Variants in PDE5A observed in about 807,000 individuals in gnomAD.
PDE5A encodes the protein phosphodiesterase 5A.
PDE5A carries 67 observed loss-of-function variants against 110.2 expected under a neutral mutation model. The ratio of observed to expected loss-of-function variants is 0.61; its 90% CI spans 0.50 to 0.75. The LOEUF is 0.75. Ranked by LOEUF, PDE5A falls within the 30% of genes least tolerant of loss-of-function variation. The pLI, the probability that PDE5A is intolerant of heterozygous loss-of-function variation, is 0.00. For synonymous variants in PDE5A, 328 were observed against 351.2 expected (o/e 0.93, Z 0.74); for missense variants, 862 against 1,045.1 (o/e 0.82, Z 2.42).
intron 1 of PDE5A, among the ~76,000 whole-genome samples, chr4:119,619,386 G>A (rs764752271): frequency 6.6e-6 from 1 of 151,978 alleles, no homozygotes; most frequent in South Asian, 2.1e-4. Flanking sequence ...GAATCTCTCC[G>A]CCTTGAGTCT....
chr4:119,539,574 A>G (rs925330968), intron 10 of PDE5A, among the ~76,000 whole-genome samples: 2 of 152,054 alleles, frequency 1.3e-5, no homozygotes, highest in Non-Finnish European at 2.9e-5. Flanking sequence ...CTACAATTTA[A>G]GAGGTGAGAA....
At chr4:119,605,668 C>A (rs1411478913) in intron 2 of PDE5A, among the ~76,000 whole-genome samples, 1 of 151,984 alleles carries the variant, frequency 6.6e-6, no homozygotes, top group Non-Finnish European at 1.5e-5. Context: ...GAAATTTTCT[C>A]TATCTTTCCC....
chr4:119,563,129 A>T (rs1399713505), intron 5 of PDE5A, among the ~76,000 whole-genome samples, 159 bp from the exon 6 acceptor site: 1 of 152,190 alleles, frequency 6.6e-6, no homozygotes, highest in African/African-American at 2.4e-5. Flanking sequence ...AAAATCCTTT[A>T]TTGACTGTTA....
rs1477225073 is a variant in PDE5A at position 119,607,039 on chromosome 4, G to T, written c.411C>A (p.Thr137=). ...DSEKKEQMPL[T]PPRFDHDEGD... is the part of the protein sequence containing the mutation. ...CTTCATCATGATCAAACCTTGGAGGGGTTAGAGGCATCTGTTCCTTCTTTT... is the reference window on the plus strand; with the variant it reads ...CTTCATCATGATCAAACCTTGGAGGTGTTAGAGGCATCTGTTCCTTCTTTT... The change falls in exon 2 of 21, where the codon ACC becomes ACA. Residue 137 remains threonine, a synonymous_variant. Transcript: ENST00000354960. The T allele has an allele frequency of 8.1e-6, 13 of 1,614,058 alleles. No homozygotes were observed. The highest frequency in any genetic ancestry group is 1.1e-5 in the Non-Finnish European group (13 of 1,180,026).
chr4:119,507,234 C>T (rs943923395), intron 16 of PDE5A, among the ~76,000 whole-genome samples: 6 of 151,668 alleles, frequency 4.0e-5, no homozygotes, highest in East Asian at 1.9e-4. Flanking sequence ...GCTTGAATGA[C>T]GGTATAAAGG....
chr4:119,610,593 G>C (rs1173961588), intron 1 of PDE5A, among the ~76,000 whole-genome samples: 1 of 152,028 alleles, frequency 6.6e-6, no homozygotes, highest in African/African-American at 2.4e-5. Flanking sequence ...GAATTCCTAA[G>C]ACCCTACCCA....
intron 3 of PDE5A, among the ~76,000 whole-genome samples, chr4:119,593,362 G>A (rs970710812): frequency 2.6e-5 from 4 of 152,258 alleles, no homozygotes; most frequent in East Asian, 1.9e-4. Context: ...TAAACAAATT[G>A]TAGTATATCC....
intron 3 of PDE5A, among the ~76,000 whole-genome samples, chr4:119,587,526 G>T (rs1487328370): frequency 1.3e-5 from 2 of 152,106 alleles, no homozygotes; most frequent in East Asian, 3.9e-4. Flanking sequence ...TGGGACTACA[G>T]GCGCCCGCCA....
Position 119,628,679 on chromosome 4 carries a change from A to G in PDE5A, c.-8T>C, listed in dbSNP as rs759052203. On this transcript the variant is annotated 5_prime_UTR_variant, in exon 1 of 21. Coordinates refer to ENST00000354960, the MANE Select transcript of PDE5A (RefSeq NM_001083.4). ...GGGGCCGGCCCGCTCCATGGTTGGC[A>G]CCGCGCGCCTCGGAGGCTCTCTGGT... The G allele has an allele frequency of 5.6e-6, 9 of 1,611,354 alleles. No homozygotes were observed. The South Asian group carries it at 8.8e-5, about 16-fold the overall frequency.
chr4:119,528,576 T>A (rs1213148297), intron 11 of PDE5A, among the ~76,000 whole-genome samples: 1 of 152,140 alleles, frequency 6.6e-6, no homozygotes, highest in African/African-American at 2.4e-5. Context: ...ATGTCGGCTA[T>A]TGGGGGTGCT....
intron 3 of PDE5A, among the ~76,000 whole-genome samples, chr4:119,568,761 G>A (rs1304800953): frequency 6.6e-6 from 1 of 152,098 alleles, no homozygotes; most frequent in East Asian, 1.9e-4. Flanking sequence ...TTTTAAGAAA[G>A]ATGAGTTTCA....
At position 119,515,887 on chromosome 4, in the gene PDE5A, A is replaced by AT. The variant is rs981963291; in HGVS notation, c.2000+3157dup. Among the ~76,000 whole-genome samples, 28 of 152,130 alleles carry AT rather than the reference A, an allele frequency of 1.8e-4. 1 individual carries two copies. The highest frequency in any genetic ancestry group is 1.8e-3 in the Admixed American group (28 of 15,258). On this transcript the variant is annotated intron_variant, in intron 14 of 20. Transcript: ENST00000354960. Reference sequence around the variant, plus strand: ...TCAGACTTCCTTCCTAAAACTGTGCATTTATTACACACTGCAGTGGCTCCT... The same window carrying AT: ...TCAGACTTCCTTCCTAAAACTGTGCATTTTATTACACACTGCAGTGGCTCCT...
intron 2 of PDE5A, among the ~76,000 whole-genome samples, chr4:119,597,456 A>C (rs1410808254): frequency 6.6e-6 from 1 of 152,166 alleles, no homozygotes; most frequent in Admixed American, 6.5e-5. Context: ...GTTTAAAGCA[A>C]ATCTTGTCAG....
intron 3 of PDE5A, among the ~76,000 whole-genome samples, chr4:119,590,701 A>C (rs797004698): frequency 6.6e-6 from 1 of 152,208 alleles, no homozygotes; most frequent in South Asian, 2.1e-4. Context: ...AAACATTTTT[A>C]ATTAGTTGAA....
At chr4:119,539,505 C>G (rs1726851026) in intron 10 of PDE5A, among the ~76,000 whole-genome samples, 1 of 152,032 alleles carries the variant, frequency 6.6e-6, no homozygotes, top group African/African-American at 2.4e-5. Context: ...CTAGAATTCA[C>G]ACAGAAAAAC....
At chr4:119,501,067 A>G in intron 20 of PDE5A, 103 bp downstream of exon 20, 1 of 684,920 alleles carries the variant, frequency 1.5e-6, no homozygotes, top group Middle Eastern at 3.5e-4. Context: ...TTATTTCTTG[A>G]TTTAGAAGCA....
Position 119,525,745 on chromosome 4 carries a change from G to A in PDE5A, c.1633-50C>T. 2 of 1,550,456 alleles carry A rather than the reference G, an allele frequency of 1.3e-6. No homozygotes were observed. Among genetic ancestry groups the A allele is most frequent in the East Asian group, 2.3e-5 (1 of 44,314 alleles). On this transcript the variant is annotated intron_variant, in intron 11 of 20. Transcript: ENST00000354960. The surrounding 1 kb of genome is among the most constrained non-coding windows in gnomAD (Gnocchi z 4.3). The stretch of plus-strand genomic sequence containing the variant: ...AAAAATGCTGTTAATTAAAGCAGCA[G>A]TGATTTGCAAGGTTTTCTTGTTTTG...
At chr4:119,617,210 TG>T (rs1729972427) in intron 1 of PDE5A, among the ~76,000 whole-genome samples, 2 of 152,152 alleles carry the variant, frequency 1.3e-5, no homozygotes, top group Admixed American at 1.3e-4. Flanking sequence ...CTACACCTTA[TG>T]TTTTGGGTTT....
intron 2 of PDE5A, among the ~76,000 whole-genome samples, chr4:119,606,119 G>A (rs1282064676): frequency 1.2e-4 from 19 of 152,140 alleles, no homozygotes; most frequent in Non-Finnish European, 2.6e-4. Flanking sequence ...AGCAAAAGTA[G>A]AAGAAATAAC....
Sources: allele counts gnomAD v4.1 joint callset (sites outside exome capture counted in the v4.1 genomes callset), GRCh38; gene constraint gnomAD v4.1.1; non-coding constraint Gnocchi (gnomAD v3.1); transcripts MANE v1.5; gene names NCBI Gene and HGNC (gene_info 2026-07-23, HGNC 2026-07-21).